The following SMYD4 variants were observed in gnomAD, a reference collection of about 807,000 sequenced individuals.
The protein encoded by SMYD4 is protein-lysine N-methyltransferase SMYD4.
A neutral mutation model predicts 72.8 loss-of-function variants in SMYD4; 68 were observed. The observed-to-expected ratio is 0.93, with a 90% CI of 0.77 to 1.14. The LOEUF is 1.14. SMYD4 is among the 50% of genes most tolerant of loss of function. The pLI is 0.00. For synonymous variants in SMYD4, 407 were observed against 388.6 expected (o/e 1.05, Z -0.56); for missense variants, 984 against 1,003.7 (o/e 0.98, Z 0.27).
Position 1,800,514 on chromosome 17 carries a change from G to C in SMYD4, c.880C>G (p.Leu294Val). 1 of 1,614,174 alleles carries C rather than the reference G, an allele frequency of 6.2e-7. No individual in the cohort carries two copies. The highest frequency in any genetic ancestry group is 8.5e-7 in the Non-Finnish European group (1 of 1,180,034). ...TGCTTCAAACATCGGTGACAATAGA[G>C]GTCCCCATTGGTGACTCTGGTGTCC... ...KWDTRVTNGD[L>V]YCHRCLKHTL... Residue 294 changes from leucine to valine, a missense_variant, in exon 5 of 11, where the codon CTC becomes GTC. Coordinates refer to ENST00000305513, the MANE Select transcript of SMYD4 (RefSeq NM_052928.3).
chr17:1,802,394 T>TA (rs1909816138), intron 4 of SMYD4, among the ~76,000 whole-genome samples: 1 of 152,004 alleles, frequency 6.6e-6, no homozygotes, highest in Non-Finnish European at 1.5e-5. Flanking sequence ...CTCATGAGAC[T>TA]AAAGCAGGAA....
intron 5 of SMYD4, among the ~76,000 whole-genome samples, chr17:1,791,555 G>A (rs1909031277): frequency 6.6e-6 from 1 of 152,094 alleles, no homozygotes; most frequent in Admixed American, 6.6e-5. Flanking sequence ...AACAAGATTA[G>A]AAATATGAGC....
chr17:1,785,320 G>A (rs1908609428), intron 7 of SMYD4, among the ~76,000 whole-genome samples: 1 of 150,578 alleles, frequency 6.6e-6, no homozygotes, highest in African/African-American at 2.4e-5. Context: ...CACCTACTCG[G>A]GAGGCTGAGG....
chr17:1,802,924 CG>C (rs1204862382), intron 4 of SMYD4, among the ~76,000 whole-genome samples: 3 of 152,152 alleles, frequency 2.0e-5, no homozygotes, highest in Non-Finnish European at 4.4e-5. Context: ...GAGGCTGAGG[CG>C]GGAGGATCAC....
At chr17:1,819,931 G>A (rs759892668) in intron 2 of SMYD4, among the ~76,000 whole-genome samples, 11 of 152,078 alleles carry the variant, frequency 7.2e-5, no homozygotes, top group Non-Finnish European at 1.2e-4. Flanking sequence ...GGGATTACAG[G>A]CACCTGACAC....
At chr17:1,827,355 A>T (rs1330406477) in intron 2 of SMYD4, among the ~76,000 whole-genome samples, 1 of 114,874 alleles carries the variant, frequency 8.7e-6, no homozygotes, top group Non-Finnish European at 1.8e-5. Flanking sequence ...GAAAAAAAGA[A>T]AAAAAAAAAA....
At chr17:1,806,265 C>T (rs1910030894) in intron 3 of SMYD4, among the ~76,000 whole-genome samples, 1 of 152,128 alleles carries the variant, frequency 6.6e-6, no homozygotes, top group African/African-American at 2.4e-5. Context: ...TAAAGTATTG[C>T]TGGACGAATC....
At chr17:1,804,421 C>G in intron 4 of SMYD4, 1 of 444,780 alleles carries the variant, frequency 2.2e-6, no homozygotes, top group East Asian at 4.4e-5. Flanking sequence ...AGGTGATCCG[C>G]CCGCCTTGAC....
chr17:1,787,385 GAGA>G, intron 6 of SMYD4, 34 bp downstream of exon 6: 1 of 1,549,912 alleles, frequency 6.5e-7, no homozygotes, highest in Non-Finnish European at 8.7e-7. Flanking sequence ...TTTTCTGTTG[GAGA>G]AGGGCAGGAT....
chr17:1,819,100 T>C (rs1293228646), intron 2 of SMYD4, among the ~76,000 whole-genome samples: 1 of 151,902 alleles, frequency 6.6e-6, no homozygotes, highest in East Asian at 1.9e-4. Context: ...CTCACACCTG[T>C]AATCCCAGCA....
chr17:1,818,390 A>C (rs1214836819), intron 2 of SMYD4, among the ~76,000 whole-genome samples: 1 of 152,164 alleles, frequency 6.6e-6, no homozygotes, highest in Non-Finnish European at 1.5e-5. Context: ...ATTTGAAAGT[A>C]AGTACAGGCA....
At chr17:1,784,745 C>T (rs995878553) in intron 7 of SMYD4, among the ~76,000 whole-genome samples, 1 of 152,014 alleles carries the variant, frequency 6.6e-6, no homozygotes, top group Non-Finnish European at 1.5e-5. Context: ...CCTCTTGTCG[C>T]TTTTTGGGGC....
At chr17:1,799,431 C>G (rs1026210818) in intron 5 of SMYD4, among the ~76,000 whole-genome samples, 1 of 150,924 alleles carries the variant, frequency 6.6e-6, no homozygotes, top group African/African-American at 2.4e-5. Context: ...TGCAGTGGCA[C>G]GATCTCGGCT....
chr17:1,799,808 C>A, intron 5 of SMYD4, 49 bp downstream of exon 5: 1 of 1,482,432 alleles, frequency 6.7e-7, no homozygotes, highest in Non-Finnish European at 9.0e-7. Context: ...CAAACACCTG[C>A]TCCATCGAGA....
At chr17:1,823,555 G>A (rs944622959) in intron 2 of SMYD4, among the ~76,000 whole-genome samples, 4 of 152,122 alleles carry the variant, frequency 2.6e-5, no homozygotes, top group Non-Finnish European at 5.9e-5. Flanking sequence ...GAGCCGCCTG[G>A]GTACTGAGAC....
chr17:1,783,377 C>T lies in SMYD4; in HGVS notation c.2120G>A (p.Arg707Gln), dbSNP rs372064983. Residue 707 changes from arginine (R) to glutamine (Q), a missense_variant, in exon 9 of 11, where the codon CGG becomes CAG. Transcript: ENST00000305513. ...VVGEIADGLA[R>Q]ACAALGDWQK... ...TGCTGTACCTAAGGCAGCACAGGCC[C>T]GGGCCAGGCCATCCGCGATCTCTCC... is the stretch of plus-strand genomic sequence containing the variant. 44 of 1,612,264 alleles carry T rather than the reference C, an allele frequency of 2.7e-5. No homozygotes were observed. Among genetic ancestry groups the T allele is most frequent in the African/African-American group, 1.1e-4 (8 of 74,880 alleles).
At chr17:1,794,057 G>GTA (rs752397865) in intron 5 of SMYD4, among the ~76,000 whole-genome samples, 3,505 of 46,654 alleles carry the variant, frequency 0.075, 188 homozygotes, top group African/African-American at 0.1. Context: ...ATATATGTGT[G>GTA]TATATATATG....
At chr17:1,793,871 G>C (rs1381515602) in intron 5 of SMYD4, among the ~76,000 whole-genome samples, 1 of 149,546 alleles carries the variant, frequency 6.7e-6, no homozygotes, top group Non-Finnish European at 1.5e-5. Flanking sequence ...CCCAGGCTGG[G>C]GTGCAGTGGT....
intron 10 of SMYD4, chr17:1,782,560 A>G (rs969748619): frequency 3.3e-5 from 5 of 152,418 alleles, no homozygotes; most frequent in African/African-American, 9.7e-5. Flanking sequence ...CAAACGCTTT[A>G]AAAGGAAGAG....
Sources: allele counts gnomAD v4.1 joint callset (sites outside exome capture counted in the v4.1 genomes callset), GRCh38; gene constraint gnomAD v4.1.1; transcripts MANE v1.5; gene names NCBI Gene and HGNC (gene_info 2026-07-23, HGNC 2026-07-21).